The following ERAP2 variants were observed in gnomAD, a reference collection of about 807,000 sequenced individuals.
ERAP2 encodes the protein leukocyte-derived arginine aminopeptidase.
Under a neutral mutation model 111.1 loss-of-function variants are expected in ERAP2, and 118 were observed. The ratio of observed to expected loss-of-function variants is 1.06; its 90% CI spans 0.92 to 1.24. ERAP2 has a LOEUF of 1.24. Ranked by LOEUF, ERAP2 falls within the 50% of genes most tolerant of loss-of-function variation. ERAP2 has a pLI of 0.00. For synonymous variants in ERAP2, 410 were observed against 401.2 expected (o/e 1.02, Z -0.26); for missense variants, 1,131 against 1,125.8 (o/e 1.00, Z -0.07).
chr5:96,896,713 C>G lies in ERAP2; in HGVS notation c.1372-19C>G. On this transcript the variant is annotated intron_variant, in intron 8 of 18. Coordinates refer to ENST00000437043, the MANE Select transcript of ERAP2 (RefSeq NM_022350.5). ...ATTTTCTTTATCTCTTTTTTCAACT[C>G]TTTTGTTTTTTTTTAAAGGGAGCTT... 1 of 1,550,428 alleles carries G rather than the reference C, an allele frequency of 6.4e-7. No homozygotes were observed. Among genetic ancestry groups the G allele is most frequent in the Non-Finnish European group, 8.6e-7 (1 of 1,156,772 alleles).
At position 96,880,144 on chromosome 5, in the gene ERAP2, A is replaced by C; in HGVS notation, c.459A>C (p.Pro153=). 6.2e-7 allele frequency: 1 copy of C among 1,614,154 alleles called. No homozygotes were observed. The highest frequency in any genetic ancestry group is 2.2e-5 in the East Asian group (1 of 44,882). Residue 153 remains proline (P), a synonymous_variant, in exon 2 of 19, where the codon CCA becomes CCC. Coordinates refer to ENST00000437043, the MANE Select transcript of ERAP2 (RefSeq NM_022350.5). ...PAHEQIALLV[P]EKLTPHLKYY... Reference sequence around the variant, plus strand: ...ATGAACAAATTGCACTGCTGGTTCCAGAGAAACTTACGCCTCACCTGAAAT... The same window carrying C: ...ATGAACAAATTGCACTGCTGGTTCCCGAGAAACTTACGCCTCACCTGAAAT...
chr5:96,882,945 A>C (rs2151121235), intron 2 of ERAP2, among the ~76,000 whole-genome samples: 1 of 152,214 alleles, frequency 6.6e-6, no homozygotes. Context: ...TCTTAATTGA[A>C]GCTTAAAGTC....
At chr5:96,911,168 T>G (rs1297753807) in intron 15 of ERAP2, among the ~76,000 whole-genome samples, 1 of 152,224 alleles carries the variant, frequency 6.6e-6, no homozygotes, top group Non-Finnish European at 1.5e-5. Context: ...TTTTCTGAGA[T>G]TTATTTCCGC....
chr5:96,915,819 G>T, intron 18 of ERAP2, 50 bp downstream of exon 18: 1 of 1,414,846 alleles, frequency 7.1e-7, no homozygotes, highest in South Asian at 1.3e-5. Flanking sequence ...TTCAAATTGT[G>T]GAATTGAAAG....
At chr5:96,876,801 T>A (rs1455485978) in intron 1 of ERAP2, among the ~76,000 whole-genome samples, 1 of 152,150 alleles carries the variant, frequency 6.6e-6, no homozygotes, top group Admixed American at 6.5e-5. Context: ...AATCCCAGGA[T>A]GTTTTGTTCA....
intron 1 of ERAP2, among the ~76,000 whole-genome samples, chr5:96,879,313 G>A (rs983123570): frequency 2.6e-5 from 4 of 152,168 alleles, no homozygotes; most frequent in Non-Finnish European, 5.9e-5. Context: ...CCTTCTGCTC[G>A]CTGCACAAGA....
chr5:96,896,027 C>T (rs898713798), intron 7 of ERAP2, among the ~76,000 whole-genome samples: 4 of 152,020 alleles, frequency 2.6e-5, no homozygotes, highest in Non-Finnish European at 5.9e-5. Flanking sequence ...ACCATATCTC[C>T]CTTGCAGAGG....
rs386358295 is a variant in ERAP2 at position 96,911,866 on chromosome 5, CAA to C, written c.2355-757_2355-756del. On this transcript the variant is annotated intron_variant, in intron 15 of 18. Transcript: ENST00000437043. ...TGAACAACAGAGTAAGACCCTGTCT[CAA>C]AAAAAAAAAAAAAGAAAGAAAGAAA... Among the ~76,000 whole-genome samples the C allele has an allele frequency of 4.7e-3, 267 of 56,618 alleles. 3 individuals are homozygous for C. The highest frequency in any genetic ancestry group is 0.015 in the African/African-American group (227 of 14,838). The allele number at this position is 56,618 out of a possible 152,430, so 37.1% of individuals were successfully genotyped here. A position where few individuals can be genotyped will look rare whatever the true frequency, so the allele number is the denominator to read the frequency against.
chr5:96,895,666 G>A (rs1784799590), intron 7 of ERAP2, among the ~76,000 whole-genome samples: 1 of 152,192 alleles, frequency 6.6e-6, no homozygotes, highest in East Asian at 1.9e-4. Context: ...GCACAGGAAT[G>A]CTCATGGCTA....
chr5:96,901,395 C>A, intron 10 of ERAP2, 111 bp from the exon 11 acceptor site: 6 of 1,214,228 alleles, frequency 4.9e-6, no homozygotes, highest in Non-Finnish European at 7.0e-6. Flanking sequence ...CAGTCCGAGT[C>A]TTCTGTTCCC....
chr5:96,909,802 TC>T (rs774179455), intron 15 of ERAP2, 38 bp downstream of exon 15: 372 of 1,596,022 alleles, frequency 2.3e-4, no homozygotes, highest in Non-Finnish European at 3.0e-4. Flanking sequence ...TGTTCTTTTC[TC>T]TTTGATGTAA....
At position 96,879,890 on chromosome 5, in the gene ERAP2, CT is replaced by C; in HGVS notation, c.206del (p.Leu69ProfsTer63). 6.2e-7 allele frequency: 1 copy of C among 1,614,150 alleles called. No homozygotes were observed. On this transcript the variant is annotated frameshift_variant, in exon 2 of 19. Coordinates refer to ENST00000437043, the MANE Select transcript of ERAP2 (RefSeq NM_022350.5). LOFTEE classifies it high-confidence loss of function. ...ACGATTTCCTTGGCAGGAGCTAAGG[CT>C]CCCCAGTGTGGTCATTCCTCTCCAT... ...GERFPWQELRLPSVVIPLHYD... is the reference protein window; with the variant it reads ...GERFPWQELRXPSVVIPLHYD...
At chr5:96,913,822 C>T (rs1787073683) in intron 17 of ERAP2, among the ~76,000 whole-genome samples, 2 of 152,158 alleles carry the variant, frequency 1.3e-5, no homozygotes, top group African/African-American at 4.8e-5. Context: ...TATGTGGCCT[C>T]ATTTGTTAAT....
intron 7 of ERAP2, among the ~76,000 whole-genome samples, chr5:96,895,991 T>C (rs754566746): frequency 2.0e-5 from 3 of 152,188 alleles, no homozygotes; most frequent in African/African-American, 7.2e-5. Flanking sequence ...CAAAGCTTTA[T>C]ATATTCTTAT....
intron 8 of ERAP2, 42 bp downstream of exon 8, chr5:96,896,546 G>GAAA (rs34701361): frequency 0.52 from 823,432 of 1,592,544 alleles, 214,627 homozygotes; most frequent in Middle Eastern, 0.61. Flanking sequence ...GCTTTCAGAA[G>GAAA]TGTAATAATG....
chr5:96,905,371 G>A (rs1192379191), intron 13 of ERAP2, among the ~76,000 whole-genome samples: 1 of 152,124 alleles, frequency 6.6e-6, no homozygotes, highest in Non-Finnish European at 1.5e-5. Flanking sequence ...TTGAAATTAT[G>A]AGCCTTCTCT....
At chr5:96,907,196 A>G (rs1786187826) in intron 13 of ERAP2, among the ~76,000 whole-genome samples, 1 of 152,236 alleles carries the variant, frequency 6.6e-6, no homozygotes, top group East Asian at 1.9e-4. Context: ...TCTTTAAGCT[A>G]AACAAACATT....
At chr5:96,891,525 ACGG>A (rs1419543678) in intron 5 of ERAP2, among the ~76,000 whole-genome samples, 3 of 30,478 alleles carry the variant, frequency 9.8e-5, no homozygotes, top group African/African-American at 1.3e-4. Context: ...ATGCCCATAT[ACGG>A]TATATATACA....
chr5:96,890,624 C>T (rs1468415406), intron 5 of ERAP2, among the ~76,000 whole-genome samples: 1 of 152,156 alleles, frequency 6.6e-6, no homozygotes, highest in Admixed American at 6.5e-5. Context: ...TACTTCTTAT[C>T]CTGTCCTTTT....
Sources: gnomAD v4.1 joint callset for allele counts (sites outside exome capture counted in the v4.1 genomes callset) on GRCh38, gnomAD v4.1.1 for gene constraint, MANE v1.5 for transcripts, NCBI Gene and HGNC (gene_info 2026-07-23, HGNC 2026-07-21) for gene names.